The following MS4A12 variants were observed in gnomAD, a reference collection of about 807,000 sequenced individuals.
MS4A12 encodes the protein membrane spanning 4-domains A12, also known as membrane-spanning 4-domains subfamily A member 12.
A neutral mutation model predicts 23.7 loss-of-function variants in MS4A12; 28 were observed. That is an observed-to-expected ratio of 1.18 (90% confidence interval 0.88 to 1.62). MS4A12 has a LOEUF of 1.62. MS4A12 is among the 40% of genes most tolerant of loss of function. The pLI, the probability that MS4A12 is intolerant of heterozygous loss-of-function variation, is 0.00. For synonymous variants in MS4A12, 108 were observed against 110.1 expected, an observed-to-expected ratio of 0.98 and a Z score of 0.12; for missense variants, 342 against 327.0, an observed-to-expected ratio of 1.05 and a Z score of -0.35.
At chr11:60,494,427 C>T (rs1029528670) in intron 1 of MS4A12, among the ~76,000 whole-genome samples, 2 of 151,994 alleles carry the variant, frequency 1.3e-5, no homozygotes, top group South Asian at 4.1e-4. Flanking sequence ...CATGCAGAAA[C>T]GTGGACAATT....
chr11:60,503,752 G>A lies in MS4A12; in HGVS notation c.523G>A (p.Gly175Arg). 1 of 1,613,934 alleles carries A rather than the reference G, an allele frequency of 6.2e-7. No individual in the cohort carries two copies. Reference protein sequence around the residue: ...NIVSSILAFIGVILLLVDMCI... With the variant: ...NIVSSILAFIRVILLLVDMCI... ...TGTTAGTTCTATCTTGGCCTTCATT[G>A]GAGTGATTCTGCTGCTGGTGGATAT... is the stretch of plus-strand genomic sequence containing the variant. The change falls in exon 5 of 7, where the codon GGA (glycine) becomes AGA (arginine). Residue 175 changes from glycine (G) to arginine (R), a missense_variant. Transcript: ENST00000016913.
chr11:60,505,284 C>G (rs2086561695), intron 5 of MS4A12, among the ~76,000 whole-genome samples: 1 of 152,058 alleles, frequency 6.6e-6, no homozygotes, highest in Admixed American at 6.6e-5. Context: ...GAGACCCATT[C>G]ACTGTCACAA....
intron 1 of MS4A12, 43 bp from the exon 2 acceptor site, chr11:60,497,270 T>G (rs1408845624): frequency 3.3e-6 from 5 of 1,534,330 alleles, no homozygotes; most frequent in Non-Finnish European, 3.5e-6. Flanking sequence ...TTAGTTTCTT[T>G]TCTGGATAAA....
intron 4 of MS4A12, among the ~76,000 whole-genome samples, chr11:60,502,517 A>C (rs2086538727): frequency 6.6e-6 from 1 of 152,248 alleles, no homozygotes; most frequent in Admixed American, 6.5e-5. Context: ...AATTGCCATT[A>C]AATGAGTCTA....
chr11:60,496,282 C>T (rs2135226851), intron 1 of MS4A12, among the ~76,000 whole-genome samples: 1 of 152,262 alleles, frequency 6.6e-6, no homozygotes, highest in Middle Eastern at 3.4e-3. Flanking sequence ...TCTTGATATT[C>T]ATAAGCACAA....
chr11:60,500,931 C>T, intron 2 of MS4A12, 114 bp from the exon 3 acceptor site: 2 of 1,224,476 alleles, frequency 1.6e-6, no homozygotes, highest in Non-Finnish European at 2.3e-6. Context: ...GCCTGAATGA[C>T]AACGATGGAT....
At position 60,506,972 on chromosome 11, in the gene MS4A12, C is replaced by T. The variant is rs369827172; in HGVS notation, c.700-48C>T. The stretch of plus-strand genomic sequence containing the variant: ...ACTCTGATGGTACCAGGGGAAATTG[C>T]ATAGGATTGTAGTAACCATATTGCT... On this transcript the variant is annotated intron_variant, in intron 6 of 6. Transcript: ENST00000016913. 7.1e-6 allele frequency: 11 copies of T among 1,551,932 alleles called. No homozygotes were observed. In the African/African-American group the frequency reaches 1.5e-4, roughly 21 times the overall value.
Position 60,497,521 on chromosome 11 carries a change from G to A in MS4A12, c.203G>A (p.Gly68Glu), listed in dbSNP as rs780895729. 2.5e-6 allele frequency: 4 copies of A among 1,614,004 alleles called. No homozygotes were observed. Among genetic ancestry groups the A allele is most frequent in the East Asian group, 4.5e-5 (2 of 44,888 alleles). ...GIFASSQPGQ[G>E]NIQMINPSVG... ...TTTGCTAGCAGTCAACCGGGTCAAG[G>A]AAATATACAAATGATAAATCCAAGT... The change falls in exon 2 of 7, where the codon GGA becomes GAA. Residue 68 changes from glycine to glutamate, a missense_variant. Coordinates refer to ENST00000016913, the MANE Select transcript of MS4A12 (RefSeq NM_017716.3).
In MS4A12 at chr11:60,497,315, CA is replaced by C; in HGVS notation, c.-3del. On this transcript the variant is annotated 5_prime_UTR_variant, in exon 2 of 7. Transcript: ENST00000016913. ...TTTGTATGTTTTGTGATACTTAGGA[CA>C]TAATGATGTCATCCAAGCCAACAAG... is the stretch of plus-strand genomic sequence containing the variant. The C allele has an allele frequency of 6.2e-7, 1 of 1,610,570 alleles. No individual in the cohort carries two copies. Among genetic ancestry groups the C allele is most frequent in the Non-Finnish European group, 8.5e-7 (1 of 1,178,386 alleles).
chr11:60,497,376 T>G lies in MS4A12; in HGVS notation c.58T>G (p.Tyr20Asp). ...AGTAAATGAAACCATACCCAACCCTTACCCACCAAGCAGCTTTATGGCTCC... is the reference window on the plus strand; with the variant it reads ...AGTAAATGAAACCATACCCAACCCTGACCCACCAAGCAGCTTTATGGCTCC... ...AEVNETIPNP[Y>D]PPSSFMAPGF... The change falls in exon 2 of 7, where the codon TAC becomes GAC. Residue 20 changes from tyrosine (Y) to aspartate (D), a missense_variant. By Grantham distance (160) the Tyr-to-Asp change is radical. Coordinates refer to ENST00000016913, the MANE Select transcript of MS4A12 (RefSeq NM_017716.3). The G allele has an allele frequency of 6.2e-7, 1 of 1,614,182 alleles. No homozygotes were observed. Among genetic ancestry groups the G allele is most frequent in the South Asian group, 1.1e-5 (1 of 91,082 alleles).
rs538077224 is a variant in MS4A12, at chr11:60,498,529, A to G, written c.276+935A>G. On this transcript the variant is annotated intron_variant, in intron 2 of 6. Transcript: ENST00000016913. The stretch of plus-strand genomic sequence containing the variant: ...AGCCAATGGGACAAACTAACACCCC[A>G]TACAGCCAGCCCCACACAGGTGCTT... Among the ~76,000 whole-genome samples, 85 of 152,272 alleles carry G rather than the reference A, an allele frequency of 5.6e-4. 1 individual carries two copies. Among genetic ancestry groups the G allele is most frequent in the African/African-American group, 1.9e-3 (78 of 41,552 alleles).
rs1565205260 is a variant in MS4A12, at chr11:60,503,685, C to A, written c.472-16C>A. On this transcript the variant is annotated splice_polypyrimidine_tract_variant and intron_variant, in intron 4 of 6. Transcript: ENST00000016913. Reference sequence around the variant, plus strand: ...GATCCTGTATATAATTGATTTTTTCCTGCCATCTCCATTAGGTGAAAGGCA... The same window carrying A: ...GATCCTGTATATAATTGATTTTTTCATGCCATCTCCATTAGGTGAAAGGCA... The A allele has an allele frequency of 3.2e-6, 5 of 1,587,282 alleles. No individual in the cohort carries two copies. Among genetic ancestry groups the A allele is most frequent in the Non-Finnish European group, 3.4e-6 (4 of 1,161,596 alleles).
At chr11:60,495,932 G>A (rs1173428208) in intron 1 of MS4A12, among the ~76,000 whole-genome samples, 1 of 152,174 alleles carries the variant, frequency 6.6e-6, no homozygotes, top group Non-Finnish European at 1.5e-5. Context: ...ACCAAGGCTG[G>A]CCTGGAAAAC....
intron 4 of MS4A12, among the ~76,000 whole-genome samples, chr11:60,502,588 G>A (rs556580717): frequency 9.9e-5 from 15 of 152,170 alleles, no homozygotes; most frequent in Middle Eastern, 3.4e-3. Flanking sequence ...GAGCTCTGTC[G>A]GTCACAGCAC....
chr11:60,503,847 G>T, intron 5 of MS4A12, 30 bp downstream of exon 5: 1 of 1,578,578 alleles, frequency 6.3e-7, no homozygotes, highest in Non-Finnish European at 8.7e-7. Context: ...CCATGTGCCT[G>T]CTCTATTTTC....
intron 3 of MS4A12, among the ~76,000 whole-genome samples, chr11:60,501,691 T>A (rs879498474): frequency 1.4e-4 from 21 of 152,038 alleles, no homozygotes; most frequent in Non-Finnish European, 2.1e-4. Context: ...TCTAAAAAAA[T>A]TTTTTAATTA....
At position 60,502,587 on chromosome 11, in the gene MS4A12, C is replaced by T. The variant is rs115264706; in HGVS notation, c.471+548C>T. Among the ~76,000 whole-genome samples the T allele has an allele frequency of 4.9e-3, 749 of 152,238 alleles. 9 individuals carry two copies. The highest frequency in any genetic ancestry group is 0.017 in the African/African-American group (711 of 41,530). ...AGTAAGACAGGACTTTGAGCTCTGT[C>T]GGTCACAGCACCCCACCTATTCCAA... is the stretch of plus-strand genomic sequence containing the variant. On this transcript the variant is annotated intron_variant, in intron 4 of 6. Coordinates refer to ENST00000016913, the MANE Select transcript of MS4A12 (RefSeq NM_017716.3).
rs780728976 is a variant in MS4A12, at chr11:60,507,170, T to C, written c.*46T>C. ...GTCTAATCTCATGGAGAAAAACTAC[T>C]TGCAAAAACTTCTTAAGAAGATGTC... On this transcript the variant is annotated 3_prime_UTR_variant, in exon 7 of 7. Transcript: ENST00000016913. 1 of 1,402,738 alleles carries C rather than the reference T, an allele frequency of 7.1e-7. No individual in the cohort carries two copies. The highest frequency in any genetic ancestry group is 1.0e-6 in the Non-Finnish European group (1 of 994,002). 86.9% of individuals were successfully genotyped at this position (1,402,738 alleles called of 1,614,324 possible).
Position 60,507,131 on chromosome 11 carries a change from A to T in MS4A12, c.*7A>T. 2 of 1,592,596 alleles carry T rather than the reference A, an allele frequency of 1.3e-6. No individual in the cohort carries two copies. Among genetic ancestry groups the T allele is most frequent in the South Asian group, 2.2e-5 (2 of 90,578 alleles). ...AGCTAATGCCCCTAAATAGTAAAAG[A>T]AAAAGGGGTATCAGTCTAATCTCAT... On this transcript the variant is annotated 3_prime_UTR_variant, in exon 7 of 7. Coordinates refer to ENST00000016913, the MANE Select transcript of MS4A12 (RefSeq NM_017716.3).
Sources: allele counts gnomAD v4.1 joint callset (sites outside exome capture counted in the v4.1 genomes callset), GRCh38; gene constraint gnomAD v4.1.1; transcripts MANE v1.5; gene names NCBI Gene and HGNC (gene_info 2026-07-23, HGNC 2026-07-21).